Variants in RAI1 observed in about 807,000 individuals in gnomAD.
RAI1 encodes retinoic acid-induced protein 1.
A neutral mutation model predicts 123.8 loss-of-function variants in RAI1; 9 were observed. That is an observed-to-expected ratio of 0.07 (90% CI 0.04 to 0.13). RAI1 has a LOEUF of 0.13. Among genes scored for constraint, RAI1 ranks in the 10% least tolerant of loss-of-function variants. The pLI is 1.00. For missense variants in RAI1, 2,256 were observed against 2,545.8 expected, an observed-to-expected ratio of 0.89 and a Z score of 2.45; for synonymous variants, 1,231 against 1,127.3, an observed-to-expected ratio of 1.09 and a Z score of -1.84.
intron 1 of RAI1, among the ~76,000 whole-genome samples, chr17:17,700,117 T>C (rs1026836384): frequency 6.6e-6 from 1 of 152,280 alleles, no homozygotes; most frequent in Non-Finnish European, 1.5e-5. Context: ...ACTTGCAGGC[T>C]GAGACCGGGG....
intron 2 of RAI1, among the ~76,000 whole-genome samples, chr17:17,728,380 A>G (rs1203525544): frequency 6.6e-6 from 1 of 152,136 alleles, no homozygotes; most frequent in Non-Finnish European, 1.5e-5. Context: ...AGGCTGTGAA[A>G]TGATCCGCAC....
At chr17:17,697,289 C>G (rs1915071347) in intron 1 of RAI1, among the ~76,000 whole-genome samples, 1 of 152,252 alleles carries the variant, frequency 6.6e-6, no homozygotes, top group Non-Finnish European at 1.5e-5. Flanking sequence ...ATGGAAAAAT[C>G]ACAGAATGCC....
chr17:17,695,418 C>T (rs1348522375), intron 1 of RAI1, among the ~76,000 whole-genome samples: 1 of 152,176 alleles, frequency 6.6e-6, no homozygotes, highest in African/African-American at 2.4e-5. Flanking sequence ...CTGGGGGAGC[C>T]TCTTCCAGAA....
At chr17:17,781,232 C>G (rs1469676494) in intron 2 of RAI1, among the ~76,000 whole-genome samples, 1 of 152,232 alleles carries the variant, frequency 6.6e-6, no homozygotes, top group Non-Finnish European at 1.5e-5. Context: ...ACCACTTCCT[C>G]CAACCTTCCG....
At chr17:17,695,469 G>C (rs956924359) in intron 1 of RAI1, among the ~76,000 whole-genome samples, 6 of 151,666 alleles carry the variant, frequency 4.0e-5, no homozygotes, top group Admixed American at 2.6e-4. Context: ...CGGCCTTCTC[G>C]TGCCCTAAGT....
At chr17:17,729,722 G>A (rs1224479366) in intron 2 of RAI1, among the ~76,000 whole-genome samples, 1 of 152,220 alleles carries the variant, frequency 6.6e-6, no homozygotes, top group Non-Finnish European at 1.5e-5. Flanking sequence ...ATCCGTTCAG[G>A]GCACTTGTGT....
intron 2 of RAI1, among the ~76,000 whole-genome samples, chr17:17,726,673 T>G (rs903293813): frequency 5.9e-5 from 9 of 152,058 alleles, no homozygotes; most frequent in Admixed American, 1.3e-4. Context: ...GCCCTTGTGG[T>G]TTTTTTTAAA....
intron 1 of RAI1, among the ~76,000 whole-genome samples, chr17:17,701,443 T>C (rs557336631): frequency 9.9e-5 from 15 of 152,196 alleles, no homozygotes; most frequent in Non-Finnish European, 1.8e-4. Context: ...GATAGGCGCC[T>C]GCCCCTCCTC....
intron 1 of RAI1, among the ~76,000 whole-genome samples, chr17:17,707,500 A>G (rs1256793441): frequency 6.6e-6 from 1 of 152,158 alleles, no homozygotes; most frequent in East Asian, 1.9e-4. Flanking sequence ...AGCAGTGCAA[A>G]GGTCCTGAGG....
At chr17:17,756,224 T>G (rs2030432875) in intron 2 of RAI1, among the ~76,000 whole-genome samples, 4 of 148,828 alleles carry the variant, frequency 2.7e-5, no homozygotes, top group African/African-American at 5.0e-5. Flanking sequence ...GGAGACAGAG[T>G]TTTGCTCTTG....
At chr17:17,730,856 G>C (rs2142947503) in intron 2 of RAI1, among the ~76,000 whole-genome samples, 1 of 152,370 alleles carries the variant, frequency 6.6e-6, no homozygotes, top group Non-Finnish European at 1.5e-5. Context: ...ACGGGGCGGA[G>C]AGGCAGAGAA....
rs770707094 is a variant in RAI1 at position 17,796,873 on chromosome 17, G to C, written c.3925G>C (p.Ala1309Pro). ...DACLKLASRA[A>P]FQGAMKTKVL... Reference sequence around the variant, plus strand: ...CTGCCTCAAGCTCGCCTCTCGGGCAGCCTTCCAGGGGGCCATGAAGACCAA... The same window carrying C: ...CTGCCTCAAGCTCGCCTCTCGGGCACCCTTCCAGGGGGCCATGAAGACCAA... The change falls in exon 3 of 6, where the codon GCC becomes CCC. Residue 1309 changes from alanine (A) to proline (P), a missense_variant. Physicochemically the swap from Ala to Pro is conservative, Grantham distance 27 (BLOSUM62 -1). Coordinates refer to ENST00000353383, the MANE Select transcript of RAI1 (RefSeq NM_030665.4). This position sits in a 1 kb window ranked among gnomAD's most constrained non-coding sequence, Gnocchi z 5.8. 6.2e-7 allele frequency: 1 copy of C among 1,613,084 alleles called. No individual in the cohort carries two copies. The highest frequency in any genetic ancestry group is 1.1e-5 in the South Asian group (1 of 91,080).
intron 1 of RAI1, among the ~76,000 whole-genome samples, chr17:17,721,554 G>A (rs1464054888): frequency 2.0e-5 from 3 of 152,160 alleles, no homozygotes; most frequent in African/African-American, 7.2e-5. Context: ...GGAGTTGGTG[G>A]GGACCTGATT....
chr17:17,710,675 CCCT>C (rs768979841), intron 1 of RAI1, among the ~76,000 whole-genome samples: 7 of 152,250 alleles, frequency 4.6e-5, no homozygotes, highest in Non-Finnish European at 7.3e-5. Flanking sequence ...AGGACTGGCC[CCCT>C]CCTCATTTCA....
chr17:17,735,225 T>C (rs1916392800), intron 2 of RAI1, among the ~76,000 whole-genome samples: 2 of 150,944 alleles, frequency 1.3e-5, no homozygotes, highest in South Asian at 4.2e-4. Flanking sequence ...GCTAATATTT[T>C]GTATTTTTGG....
intron 2 of RAI1, among the ~76,000 whole-genome samples, chr17:17,739,687 C>T (rs1287206885): frequency 6.6e-6 from 1 of 152,232 alleles, no homozygotes; most frequent in East Asian, 1.9e-4. Flanking sequence ...AGACCCCATC[C>T]CTACCTCCAC....
At position 17,692,609 on chromosome 17, in the gene RAI1, A is replaced by G. The variant is rs148716958; in HGVS notation, c.-149+10816A>G. On this transcript the variant is annotated intron_variant, in intron 1 of 5. Transcript: ENST00000353383. Reference sequence around the variant, plus strand: ...ACCCCCTTCCCCATGTTAGTCACTCATCCATTCGGGAGCTAATTCCTGGCT... The same window carrying G: ...ACCCCCTTCCCCATGTTAGTCACTCGTCCATTCGGGAGCTAATTCCTGGCT... Among the ~76,000 whole-genome samples the G allele has an allele frequency of 1.9e-3, 294 of 152,312 alleles. 2 individuals carry two copies. Among genetic ancestry groups the G allele is most frequent in the African/African-American group, 6.8e-3 (283 of 41,570 alleles).
chr17:17,757,846 C>T (rs1015668077), intron 2 of RAI1, among the ~76,000 whole-genome samples: 3 of 152,180 alleles, frequency 2.0e-5, no homozygotes, highest in Admixed American at 6.6e-5. Flanking sequence ...GACTCAGTTT[C>T]CCCTCCCATG....
rs2032654154 is a variant in RAI1 at position 17,809,118 on chromosome 17, G to A, written c.5660-272G>A. ...GGGAGGGACTGAGGGACTGCCTCAA[G>A]TGAGGAGGGGCGGCACGTGGAACTC... On this transcript the variant is annotated intron_variant, in intron 4 of 5. Transcript: ENST00000353383. The surrounding 1 kb of genome is among the most constrained non-coding windows in gnomAD (Gnocchi z 4.9). 3.7e-6 allele frequency: 2 copies of A among 546,634 alleles called. No individual in the cohort carries two copies. The highest frequency in any genetic ancestry group is 1.9e-5 in the African/African-American group (1 of 52,666). 33.9% of individuals were successfully genotyped at this position (546,634 alleles called of 1,614,324 possible).
Sources: gnomAD v4.1 joint callset for allele counts (sites outside exome capture counted in the v4.1 genomes callset) on GRCh38, gnomAD v4.1.1 for gene constraint, Gnocchi (gnomAD v3.1) non-coding constraint, MANE v1.5 for transcripts, NCBI Gene and HGNC (gene_info 2026-07-23, HGNC 2026-07-21) for gene names.